Variants in PHRF1 observed in about 807,000 individuals in gnomAD.
The protein encoded by PHRF1 is PHD and ring finger domains 1.
Under a neutral mutation model 128.9 loss-of-function variants are expected in PHRF1, and 53 were observed. That is an observed-to-expected ratio of 0.41 (90% CI 0.33 to 0.52). PHRF1 has a LOEUF of 0.52. Ranked by LOEUF, PHRF1 falls within the 20% of genes least tolerant of loss-of-function variation. The pLI, the probability that PHRF1 is intolerant of heterozygous loss-of-function variation, is 0.21. For missense variants in PHRF1, 2,503 were observed against 2,284.5 expected, an observed-to-expected ratio of 1.10 and a Z score of -1.95; for synonymous variants, 1,178 against 980.6, an observed-to-expected ratio of 1.20 and a Z score of -3.76.
rs751095079 is a variant in PHRF1 at position 605,259 on chromosome 11, G to T, written c.1293G>T (p.Leu431=). The T allele has an allele frequency of 1.9e-6, 3 of 1,613,558 alleles. No homozygotes were observed. The highest frequency in any genetic ancestry group is 3.3e-5 in the Admixed American group (2 of 60,000). Residue 431 remains leucine, a synonymous_variant, in exon 11 of 18, where the codon CTG becomes CTT. Coordinates refer to ENST00000264555, the MANE Select transcript of PHRF1 (RefSeq NM_001286581.2). ...GAGCGGATATTGGAGCTGCCTCTCT[G>T]TCTCTGTTTGGAGATCCTTATGAGC... ...LLRADIGAAS[L]SLFGDPYELD...
In PHRF1 at chr11:610,062, G is replaced by T; in HGVS notation, c.4265-134G>T. 3 of 1,193,232 alleles carry T rather than the reference G, an allele frequency of 2.5e-6. No individual in the cohort carries two copies. In the African/African-American group the frequency reaches 4.6e-5, roughly 18 times the overall value. 73.9% of individuals were successfully genotyped at this position (1,193,232 alleles called of 1,614,324 possible). A position where few individuals can be genotyped will look rare whatever the true frequency, so the allele number is the denominator to read the frequency against. On this transcript the variant is annotated intron_variant, in intron 14 of 17. Coordinates refer to ENST00000264555, the MANE Select transcript of PHRF1 (RefSeq NM_001286581.2). ...TGGCACACCTCGCAACCTCCCCTTG[G>T]TGCTGGGGGTGGATCTGAGGGCTGC...
intron 13 of PHRF1, 164 bp from the exon 14 acceptor site, chr11:606,902 G>A: frequency 8.3e-7 from 1 of 1,206,278 alleles, no homozygotes. Context: ...AGTGGCTGTT[G>A]AAGCAGCTCT....
In PHRF1 at chr11:605,193, G is replaced by A. The variant is rs777016720; in HGVS notation, c.1227G>A (p.Pro409=). 22 of 1,613,406 alleles carry A rather than the reference G, an allele frequency of 1.4e-5. No individual in the cohort carries two copies. In the Admixed American group the frequency reaches 1.7e-4, roughly 12 times the overall value. The change falls in exon 11 of 18, where the codon CCG becomes CCA. Residue 409 remains proline, a synonymous_variant. Transcript: ENST00000264555. ...LRRPVHSSCI[P]SVLKPVEPSL... ...GGCCTGTTCACAGCAGCTGCATCCC[G>A]TCAGTGTTGAAGCCAGTGGAGCCCT...
At chr11:577,890 T>C (rs1335124440) in intron 1 of PHRF1, among the ~76,000 whole-genome samples, 3 of 152,226 alleles carry the variant, frequency 2.0e-5, no homozygotes, top group Admixed American at 2.0e-4. Flanking sequence ...GAGAGAGAAA[T>C]AGCCTTTCCA....
At chr11:578,759 A>G (rs7932229) in intron 1 of PHRF1, among the ~76,000 whole-genome samples, 71,342 of 152,022 alleles carry the variant, frequency 0.47, 18,791 homozygotes, top group East Asian at 0.72. Flanking sequence ...CATGTTGCCC[A>G]GGCTGGTCTC....
At chr11:588,459 A>G (rs189162583) in intron 4 of PHRF1, among the ~76,000 whole-genome samples, 323 of 151,656 alleles carry the variant, frequency 2.1e-3, no homozygotes, top group Middle Eastern at 0.017. Context: ...GGCTCACCAC[A>G]ACCTCCACCT....
chr11:591,912 G>GT (rs61391789), intron 5 of PHRF1, among the ~76,000 whole-genome samples: 1,513 of 132,696 alleles, frequency 0.011, 15 homozygotes, highest in African/African-American at 0.015. Context: ...ACACCCGGCT[G>GT]TTTTTTTTTT....
At position 608,998 on chromosome 11, in the gene PHRF1, G is replaced by T. The variant is rs761451455; in HGVS notation, c.3542G>T (p.Arg1181Leu). Residue 1181 changes from arginine (R) to leucine (L), a missense_variant, in exon 14 of 18, where the codon CGT becomes CTT. Arg to Leu is a moderately radical substitution (Grantham distance 102). Coordinates refer to ENST00000264555, the MANE Select transcript of PHRF1 (RefSeq NM_001286581.2). ...RAREHRRPRS[R>L]EKWPQTRSHS... is the part of the protein sequence containing the mutation. Reference sequence around the variant, plus strand: ...CGGGAGCACAGGCGGCCTCGGTCCCGTGAGAAGTGGCCGCAGACCCGGTCC... The same window carrying T: ...CGGGAGCACAGGCGGCCTCGGTCCCTTGAGAAGTGGCCGCAGACCCGGTCC... The T allele has an allele frequency of 1.9e-6, 3 of 1,602,400 alleles. No individual in the cohort carries two copies. The highest frequency in any genetic ancestry group is 2.2e-5 in the South Asian group (2 of 89,866).
chr11:595,523 T>C (rs964578303), intron 6 of PHRF1, among the ~76,000 whole-genome samples: 2 of 152,230 alleles, frequency 1.3e-5, no homozygotes, highest in African/African-American at 4.8e-5. Context: ...CCAAGCTCCC[T>C]GTGCAGGTGG....
At position 578,541 on chromosome 11, in the gene PHRF1, C is replaced by G. The variant is rs562006481; in HGVS notation, c.-22+1949C>G. Among the ~76,000 whole-genome samples, 266 of 152,334 alleles carry G rather than the reference C, an allele frequency of 1.7e-3. 1 individual carries two copies. Among genetic ancestry groups the G allele is most frequent in the Non-Finnish European group, 2.7e-3 (183 of 68,022 alleles). ...TCTTCTGGCAGCCCTGGGGCAAGCC[C>G]TGCCATTGCCTGTCGCCCCACCTAA... On this transcript the variant is annotated intron_variant, in intron 1 of 17. Coordinates refer to ENST00000264555, the MANE Select transcript of PHRF1 (RefSeq NM_001286581.2).
rs905548664 is a variant in PHRF1, at chr11:597,092, G to A, written c.718+72G>A. The A allele has an allele frequency of 1.1e-5, 17 of 1,489,294 alleles. No homozygotes were observed. The African/African-American group carries it at 2.2e-4, about 19-fold the overall frequency. The allele number at this position is 1,489,294 out of a possible 1,614,324, so 92.3% of individuals were successfully genotyped here. A position where few individuals can be genotyped will look rare whatever the true frequency, so the allele number is the denominator to read the frequency against. ...GTCCACTCTGCGGTCCCCGGGGTTA[G>A]GTTTGGCTGCTGTGTGGGGAGGACA... On this transcript the variant is annotated intron_variant, in intron 7 of 17. Coordinates refer to ENST00000264555, the MANE Select transcript of PHRF1 (RefSeq NM_001286581.2). This position sits in a 1 kb window ranked among gnomAD's most constrained non-coding sequence, Gnocchi z 6.5.
intron 6 of PHRF1, among the ~76,000 whole-genome samples, chr11:595,928 G>GC (rs1430438429): frequency 1.2e-4 from 19 of 152,204 alleles, no homozygotes; most frequent in Non-Finnish European, 4.4e-5. Context: ...CGTGTCGTGT[G>GC]CCCGGGGCAG....
intron 3 of PHRF1, among the ~76,000 whole-genome samples, chr11:586,642 C>T (rs550883355): frequency 9.2e-5 from 14 of 152,222 alleles, no homozygotes; most frequent in Admixed American, 3.9e-4. Context: ...TGGGCTCTGC[C>T]GTGTTGAACT....
intron 1 of PHRF1, among the ~76,000 whole-genome samples, chr11:580,917 G>A (rs1219620407): frequency 6.6e-6 from 1 of 152,042 alleles, no homozygotes; most frequent in African/African-American, 2.4e-5. Flanking sequence ...TCAAACTCCC[G>A]ACCTCAGGTG....
At position 611,658 on chromosome 11, in the gene PHRF1, A is replaced by C; in HGVS notation, c.4831A>C (p.Ile1611Leu). 1 of 1,613,174 alleles carries C rather than the reference A, an allele frequency of 6.2e-7. No individual in the cohort carries two copies. The highest frequency in any genetic ancestry group is 8.5e-7 in the Non-Finnish European group (1 of 1,179,842). ...QKICHSKSGE[I>L]NPVKVANLVK... ...GATCTGCCACAGCAAGAGTGGAGAGATCAACCCCGTGAAGGTGGCCAACCT... is the reference window on the plus strand; with the variant it reads ...GATCTGCCACAGCAAGAGTGGAGAGCTCAACCCCGTGAAGGTGGCCAACCT... Residue 1611 changes from isoleucine (I) to leucine (L), a missense_variant, in exon 18 of 18, where the codon ATC becomes CTC. By Grantham distance (5) the Ile-to-Leu change is conservative. Coordinates refer to ENST00000264555, the MANE Select transcript of PHRF1 (RefSeq NM_001286581.2).
Position 611,096 on chromosome 11 carries a change from G to A in PHRF1, c.4806+14G>A, listed in dbSNP as rs201084702. 790 of 1,612,104 alleles carry A rather than the reference G, an allele frequency of 4.9e-4. No homozygotes were observed. The highest frequency in any genetic ancestry group is 6.2e-4 in the Non-Finnish European group (732 of 1,179,444). On this transcript the variant is annotated intron_variant, in intron 17 of 17. Transcript: ENST00000264555. ...GCCGTGCAGAAGGTGGGCTGTGTGCGAGCCTGTGTGTGGGGCTCGGGGTCA... is the reference window on the plus strand; with the variant it reads ...GCCGTGCAGAAGGTGGGCTGTGTGCAAGCCTGTGTGTGGGGCTCGGGGTCA...
At chr11:593,409 A>G (rs1437448406) in intron 6 of PHRF1, among the ~76,000 whole-genome samples, 2 of 152,226 alleles carry the variant, frequency 1.3e-5, no homozygotes, top group African/African-American at 4.8e-5. Context: ...GAACAGCCGG[A>G]GCCAGGAGGC....
In PHRF1 at chr11:596,914, C is replaced by T; in HGVS notation, c.621-9C>T. On this transcript the variant is annotated splice_polypyrimidine_tract_variant and intron_variant, in intron 6 of 17. Transcript: ENST00000264555. ...CACCCGGATGCTTTGGCCCTGCTCT[C>T]TCCTGTAGGTACCACATGGAATGCT... 1 of 1,613,256 alleles carries T rather than the reference C, an allele frequency of 6.2e-7. No individual in the cohort carries two copies. Among genetic ancestry groups the T allele is most frequent in the African/African-American group, 1.3e-5 (1 of 75,016 alleles).
intron 4 of PHRF1, among the ~76,000 whole-genome samples, chr11:588,336 G>A (rs532504883): frequency 3.3e-5 from 5 of 152,226 alleles, no homozygotes; most frequent in Admixed American, 1.3e-4. Context: ...GTTCTGTTGT[G>A]GTGGGTCCAC....
Sources: gnomAD v4.1 joint callset for allele counts (sites outside exome capture counted in the v4.1 genomes callset) on GRCh38, gnomAD v4.1.1 for gene constraint, Gnocchi (gnomAD v3.1) non-coding constraint, MANE v1.5 for transcripts, NCBI Gene and HGNC (gene_info 2026-07-23, HGNC 2026-07-21) for gene names.